The following MBD5 variants were observed in gnomAD, a reference collection of about 807,000 sequenced individuals.
MBD5 encodes methyl-CpG binding domain protein 5, also known as methyl-CpG-binding domain protein 5.
MBD5 carries 13 observed loss-of-function variants against 117.3 expected under a neutral mutation model. The ratio of observed to expected loss-of-function variants is 0.11; its 90% confidence interval spans 0.07 to 0.18. The LOEUF is 0.18. Ranked by LOEUF, MBD5 falls within the 10% of genes least tolerant of loss-of-function variation. The probability of loss-of-function intolerance (pLI) is 1.00; values close to 1 mark genes in which losing one functional copy is unlikely to be tolerated. For missense variants in MBD5, 1,879 were observed against 2,093.8 expected, an observed-to-expected ratio of 0.90 and a Z score of 2.00; for synonymous variants, 727 against 766.4, an observed-to-expected ratio of 0.95 and a Z score of 0.85.
chr2:148,155,752 G>T (rs1418976050), intron 1 of MBD5, among the ~76,000 whole-genome samples: 1 of 152,178 alleles, frequency 6.6e-6, no homozygotes, highest in Non-Finnish European at 1.5e-5. Flanking sequence ...TATTAAACTT[G>T]AAATGATCAT....
intron 7 of MBD5, 121 bp from the exon 8 acceptor site, chr2:148,468,220 A>AT (rs1297177980): frequency 2.7e-6 from 2 of 741,392 alleles, no homozygotes; most frequent in East Asian, 5.3e-5. Context: ...TTATTTACAG[A>AT]TTCCTATTTC....
intron 1 of MBD5, among the ~76,000 whole-genome samples, chr2:148,117,653 G>A (rs1317588136): frequency 1.3e-5 from 2 of 152,110 alleles, no homozygotes; most frequent in South Asian, 2.1e-4. Flanking sequence ...AAATTTGCCT[G>A]TGTATATAAG....
At chr2:148,434,945 T>G (rs917211676) in intron 4 of MBD5, among the ~76,000 whole-genome samples, 2 of 152,164 alleles carry the variant, frequency 1.3e-5, no homozygotes, top group African/African-American at 4.8e-5. Flanking sequence ...TGCATATATA[T>G]TTAGAGAGTT....
At chr2:148,135,583 C>T (rs1574051477) in intron 1 of MBD5, among the ~76,000 whole-genome samples, 2 of 152,076 alleles carry the variant, frequency 1.3e-5, no homozygotes, top group South Asian at 2.1e-4. Context: ...TTTTAGGGCT[C>T]GACTTGTTTT....
intron 4 of MBD5, among the ~76,000 whole-genome samples, chr2:148,427,456 G>T (rs538766046): frequency 8.5e-5 from 13 of 152,260 alleles, no homozygotes; most frequent in Admixed American, 2.0e-4. Flanking sequence ...ATACTATGCA[G>T]CCATAAAAAA....
chr2:148,214,381 G>A (rs566854214), intron 2 of MBD5, among the ~76,000 whole-genome samples: 60 of 152,190 alleles, frequency 3.9e-4, no homozygotes, highest in African/African-American at 1.4e-3. Flanking sequence ...TCCTCTTTTA[G>A]CATGTTTTGA....
intron 1 of MBD5, among the ~76,000 whole-genome samples, chr2:148,174,217 T>C (rs1698328852): frequency 6.6e-6 from 1 of 152,186 alleles, no homozygotes; most frequent in Admixed American, 6.5e-5. Context: ...ATAGTCTCTT[T>C]AATAAATGAT....
At chr2:148,305,239 A>G (rs1250607578) in intron 3 of MBD5, among the ~76,000 whole-genome samples, 1 of 152,172 alleles carries the variant, frequency 6.6e-6, no homozygotes, top group Non-Finnish European at 1.5e-5. Context: ...GAGGACTCAG[A>G]GGAGCCTAAC....
chr2:148,183,511 T>C (rs1361897468), intron 2 of MBD5, among the ~76,000 whole-genome samples: 2 of 134,538 alleles, frequency 1.5e-5, no homozygotes, highest in Non-Finnish European at 3.3e-5. Context: ...TTATTTTGAA[T>C]CTTTTATTAC....
At chr2:148,199,956 C>T (rs976088455) in intron 2 of MBD5, among the ~76,000 whole-genome samples, 1 of 152,126 alleles carries the variant, frequency 6.6e-6, no homozygotes, top group African/African-American at 2.4e-5. Context: ...AATGTTAAGT[C>T]TTCCAAAATA....
chr2:148,465,460 C>A (rs140690433), intron 7 of MBD5, among the ~76,000 whole-genome samples: 4 of 152,128 alleles, frequency 2.6e-5, no homozygotes, highest in African/African-American at 9.6e-5. Context: ...TGGCTAAACA[C>A]CAAAGCATTT....
At chr2:148,385,781 T>TA (rs36168362) in intron 4 of MBD5, among the ~76,000 whole-genome samples, 77,281 of 150,316 alleles carry the variant, frequency 0.51, 20,029 homozygotes, top group East Asian at 0.75. Flanking sequence ...TATGCAGCCA[T>TA]AAAAAAGGAT....
intron 4 of MBD5, among the ~76,000 whole-genome samples, chr2:148,376,656 G>GTACT (rs1263286160): frequency 6.9e-6 from 1 of 144,830 alleles, no homozygotes; most frequent in Non-Finnish European, 1.5e-5. Flanking sequence ...CTAGATTAGG[G>GTACT]TACTGTATTG....
At chr2:148,104,365 G>C (rs1696313333) in intron 1 of MBD5, among the ~76,000 whole-genome samples, 1 of 152,168 alleles carries the variant, frequency 6.6e-6, no homozygotes, top group African/African-American at 2.4e-5. Context: ...CAAATTCATA[G>C]AAGATGGTGT....
chr2:148,300,001 G>A (rs1476336136), intron 3 of MBD5, among the ~76,000 whole-genome samples: 1 of 151,972 alleles, frequency 6.6e-6, no homozygotes. Flanking sequence ...TATCCTAATA[G>A]TAATATGAGA....
chr2:148,423,983 C>G (rs925423773), intron 4 of MBD5, among the ~76,000 whole-genome samples: 1 of 151,686 alleles, frequency 6.6e-6, no homozygotes, highest in African/African-American at 2.4e-5. Context: ...TCGAGACCAT[C>G]CTGGCTAACA....
At chr2:148,476,419 T>G (rs1680967028) in intron 8 of MBD5, among the ~76,000 whole-genome samples, 1 of 152,220 alleles carries the variant, frequency 6.6e-6, no homozygotes, top group Non-Finnish European at 1.5e-5. Flanking sequence ...AACTTCTGAT[T>G]TTTTATCCCA....
intron 3 of MBD5, among the ~76,000 whole-genome samples, chr2:148,316,892 G>T (rs542154711): frequency 6.6e-6 from 1 of 152,126 alleles, no homozygotes; most frequent in Non-Finnish European, 1.5e-5. Flanking sequence ...TCAGTTTTTT[G>T]TGTTGAGCTT....
intron 3 of MBD5, among the ~76,000 whole-genome samples, chr2:148,323,093 G>A (rs1702332942): frequency 6.6e-6 from 1 of 151,454 alleles, no homozygotes; most frequent in Admixed American, 6.6e-5. Context: ...AGAATATGCG[G>A]TGTTTGGTTT....
Sources: gnomAD v4.1 joint callset for allele counts (sites outside exome capture counted in the v4.1 genomes callset) on GRCh38, gnomAD v4.1.1 for gene constraint, MANE v1.5 for transcripts, NCBI Gene and HGNC (gene_info 2026-07-23, HGNC 2026-07-21) for gene names.